ERBIN: variants seen among roughly 807,000 people sequenced by gnomAD.
ERBIN encodes the protein densin-180-like protein.
In ERBIN, 60 loss-of-function variants were observed where a neutral mutation model predicts 158.4. The observed-to-expected ratio is 0.38, with a 90% confidence interval of 0.31 to 0.47. The LOEUF is 0.47. Ranked by LOEUF, ERBIN falls within the 20% of genes least tolerant of loss-of-function variation. ERBIN has a pLI of 0.99. For missense variants in ERBIN, 1,610 were observed against 1,648.0 expected, an observed-to-expected ratio of 0.98 and a Z score of 0.40; for synonymous variants, 594 against 557.2, an observed-to-expected ratio of 1.07 and a Z score of -0.93.
At chr5:66,069,099 G>GAAAAAAAA in intron 21 of ERBIN, 1 of 1,293,484 alleles carries the variant, frequency 7.7e-7, no homozygotes, top group Middle Eastern at 1.9e-4. Context: ...ATGTTTCCAG[G>GAAAAAAAA]AAAAAAAATG....
intron 1 of ERBIN, among the ~76,000 whole-genome samples, chr5:65,973,931 C>G (rs1222283170): frequency 6.6e-6 from 1 of 151,176 alleles, no homozygotes; most frequent in Non-Finnish European, 1.5e-5. Context: ...ATCTATTGTG[C>G]TAATACATAA....
chr5:66,054,153 G>A lies in ERBIN; in HGVS notation c.2835G>A (p.Lys945=), dbSNP rs773201556. 4 of 1,614,002 alleles carry A rather than the reference G, an allele frequency of 2.5e-6. No homozygotes were observed. Among genetic ancestry groups the A allele is most frequent in the South Asian group, 2.2e-5 (2 of 91,092 alleles). ...TATCAGGAACAAAGGCAATTTTCAA[G>A]TTTGATTCAAATCATAATCCCGAAG... The part of the protein sequence containing the change: ...DLISGTKAIF[K]FDSNHNPEEP... Residue 945 remains lysine (K), a synonymous_variant, in exon 21 of 26, where the codon AAG becomes AAA. Coordinates refer to ENST00000284037, the MANE Select transcript of ERBIN (RefSeq NM_001253697.2).
intron 25 of ERBIN, among the ~76,000 whole-genome samples, chr5:66,078,113 C>T (rs181907888): frequency 5.3e-5 from 8 of 152,276 alleles, no homozygotes; most frequent in South Asian, 2.1e-4. Flanking sequence ...CCCCCTGCTA[C>T]GCTACAGTTT....
At chr5:66,007,360 A>T (rs1391323570) in intron 4 of ERBIN, among the ~76,000 whole-genome samples, 1 of 151,376 alleles carries the variant, frequency 6.6e-6, no homozygotes, top group African/African-American at 2.5e-5. Flanking sequence ...GGGCACAGGG[A>T]GGGGAACATC....
intron 19 of ERBIN, among the ~76,000 whole-genome samples, chr5:66,049,303 C>G (rs777573295): frequency 5.9e-5 from 9 of 151,946 alleles, no homozygotes; most frequent in Non-Finnish European, 5.9e-5. Context: ...GATATGTATC[C>G]TTTCCCTCAC....
chr5:66,049,084 G>A (rs2151221363), intron 19 of ERBIN, among the ~76,000 whole-genome samples: 1 of 152,114 alleles, frequency 6.6e-6, no homozygotes, highest in South Asian at 2.1e-4. Context: ...TTATCCATGT[G>A]TACATATCTG....
At chr5:65,959,905 T>A (rs1164674867) in intron 1 of ERBIN, among the ~76,000 whole-genome samples, 1 of 152,220 alleles carries the variant, frequency 6.6e-6, no homozygotes, top group Non-Finnish European at 1.5e-5. Context: ...TTGTTAAGGC[T>A]TTGCGTTGGA....
At chr5:66,055,051 T>C in intron 21 of ERBIN, 100 bp downstream of exon 21, 16 of 1,435,324 alleles carry the variant, frequency 1.1e-5, no homozygotes, top group Non-Finnish European at 1.5e-5. Flanking sequence ...TATCTCTTTA[T>C]ATTCTAGGTG....
At chr5:66,004,653 T>G (rs955380494) in intron 4 of ERBIN, among the ~76,000 whole-genome samples, 2 of 152,160 alleles carry the variant, frequency 1.3e-5, no homozygotes, top group African/African-American at 4.8e-5. Flanking sequence ...TCTGCCCACC[T>G]CAGCCTTCCA....
chr5:65,980,446 G>A (rs1187784946), intron 1 of ERBIN, among the ~76,000 whole-genome samples: 1 of 151,718 alleles, frequency 6.6e-6, no homozygotes, highest in Non-Finnish European at 1.5e-5. Flanking sequence ...CAAAAACAAA[G>A]CAAAAATAAA....
chr5:66,004,388 G>C (rs1447827038), intron 4 of ERBIN, among the ~76,000 whole-genome samples: 1 of 151,940 alleles, frequency 6.6e-6, no homozygotes, highest in Non-Finnish European at 1.5e-5. Context: ...GCGTGTGTGT[G>C]TGCGCGCGCG....
At chr5:66,048,449 C>G (rs553415980) in intron 18 of ERBIN, among the ~76,000 whole-genome samples, 2 of 151,854 alleles carry the variant, frequency 1.3e-5, no homozygotes, top group East Asian at 3.9e-4. Flanking sequence ...GAGCAGTATC[C>G]TAATGTTTGA....
intron 2 of ERBIN, among the ~76,000 whole-genome samples, chr5:65,989,375 C>A (rs1407688990): frequency 6.6e-6 from 1 of 152,136 alleles, no homozygotes; most frequent in South Asian, 2.1e-4. Context: ...ATTTGGTGTT[C>A]GTTTTTATAT....
chr5:65,946,145 A>G (rs1439014964), intron 1 of ERBIN, among the ~76,000 whole-genome samples: 2 of 152,104 alleles, frequency 1.3e-5, no homozygotes, highest in Non-Finnish European at 2.9e-5. Flanking sequence ...TGGGCAGCTC[A>G]CTTGAACTCA....
intron 21 of ERBIN, among the ~76,000 whole-genome samples, chr5:66,059,144 T>C (rs1033224231): frequency 1.3e-5 from 2 of 152,180 alleles, no homozygotes; most frequent in Non-Finnish European, 2.9e-5. Context: ...GCCATTTTCA[T>C]GATATTGATT....
At position 66,024,458 on chromosome 5, in the gene ERBIN, T is replaced by C; in HGVS notation, c.817+8T>C. ...AGCTTCCTGAGACTATTGGTTTGTA[T>C]TGCTTTCAAATTCATGTAATTTTTA... On this transcript the variant is annotated splice_region_variant and intron_variant, in intron 10 of 25. Transcript: ENST00000284037. The C allele has an allele frequency of 6.3e-7, 1 of 1,577,004 alleles. No homozygotes were observed. Among genetic ancestry groups the C allele is most frequent in the South Asian group, 1.2e-5 (1 of 82,386 alleles).
chr5:65,947,178 C>G (rs537043651), intron 1 of ERBIN, among the ~76,000 whole-genome samples: 1 of 152,124 alleles, frequency 6.6e-6, no homozygotes, highest in South Asian at 2.1e-4. Context: ...ATTTTTGTAT[C>G]CTGAAAAATT....
In ERBIN at chr5:66,051,907, A is replaced by AAAAAAAAAAAAAAAAAAG. The variant is rs1554065281; in HGVS notation, c.2087+942_2087+943insAAAAAAAAAAAAAAAAGA. ...TAGGCCTTGTCTCAAAAAAAAAAAAAAGAGACAGATTGGGGTTGGCTGGAT... is the reference window on the plus strand; with the variant it reads ...TAGGCCTTGTCTCAAAAAAAAAAAAAAAAAAAAAAAAAAAAAAGAGAGACAGATTGGGGTTGGCTGGAT... On this transcript the variant is annotated intron_variant, in intron 20 of 25. Transcript: ENST00000284037. 5.6e-3 allele frequency among the ~76,000 whole-genome samples: 837 copies of AAAAAAAAAAAAAAAAAAG among 148,646 alleles called. 26 individuals carry two copies. Among genetic ancestry groups the AAAAAAAAAAAAAAAAAAG allele is most frequent in the African/African-American group, 0.021 (806 of 38,940 alleles).
At chr5:66,058,356 C>T (rs199888125) in intron 21 of ERBIN, among the ~76,000 whole-genome samples, 1 of 152,050 alleles carries the variant, frequency 6.6e-6, no homozygotes, top group East Asian at 1.9e-4. Flanking sequence ...AGTGTCTGTT[C>T]ATATGCTTTG....
Sources: allele counts gnomAD v4.1 joint callset (sites outside exome capture counted in the v4.1 genomes callset), GRCh38; gene constraint gnomAD v4.1.1; transcripts MANE v1.5; gene names NCBI Gene and HGNC (gene_info 2026-07-23, HGNC 2026-07-21).